Variants in GPC6 observed in about 807,000 individuals in gnomAD.
GPC6 encodes the protein glypican-6.
GPC6 carries 14 observed loss-of-function variants against 55.2 expected under a neutral mutation model. The observed-to-expected ratio is 0.25, with a 90% CI of 0.17 to 0.40. The LOEUF (loss-of-function observed/expected upper bound fraction) is 0.40. Ranked by LOEUF, GPC6 falls within the 10% of genes least tolerant of loss-of-function variation. The pLI, the probability that GPC6 is intolerant of heterozygous loss-of-function variation, is 1.00. For missense variants in GPC6, 641 were observed against 708.5 expected (o/e 0.90, Z 1.08); for synonymous variants, 278 against 259.6 (o/e 1.07, Z -0.68).
chr13:93,542,282 T>G (rs1882345430), intron 1 of GPC6, among the ~76,000 whole-genome samples: 1 of 152,194 alleles, frequency 6.6e-6, no homozygotes, highest in South Asian at 2.1e-4. Context: ...AAATAGGGAA[T>G]CCTTTCCCCA....
At chr13:94,163,401 T>C (rs1003544065) in intron 4 of GPC6, among the ~76,000 whole-genome samples, 40 of 152,106 alleles carry the variant, frequency 2.6e-4, no homozygotes, top group Non-Finnish European at 4.6e-4. Flanking sequence ...ATATCATTTT[T>C]CCCCTAAATT....
intron 1 of GPC6, among the ~76,000 whole-genome samples, chr13:93,331,423 A>G (rs1449632016): frequency 2.0e-5 from 3 of 152,122 alleles, no homozygotes; most frequent in Admixed American, 6.5e-5. Flanking sequence ...CTTTCTTAAG[A>G]AGCGTGGTAG....
At chr13:94,336,725 T>C (rs1877724624) in intron 6 of GPC6, among the ~76,000 whole-genome samples, 1 of 152,078 alleles carries the variant, frequency 6.6e-6, no homozygotes, top group Admixed American at 6.6e-5. Flanking sequence ...ACAAGGAAAG[T>C]AAATGTGAGC....
intron 3 of GPC6, among the ~76,000 whole-genome samples, chr13:93,894,566 A>G (rs1444164263): frequency 2.0e-5 from 3 of 152,168 alleles, no homozygotes; most frequent in East Asian, 1.9e-4. Context: ...CACAATTTCA[A>G]TCACAATTGG....
chr13:93,689,191 G>T (rs1222502103), intron 2 of GPC6, among the ~76,000 whole-genome samples: 1 of 151,878 alleles, frequency 6.6e-6, no homozygotes, highest in East Asian at 1.9e-4. Context: ...CACAAATGGC[G>T]ATCCCAGAAG....
intron 1 of GPC6, among the ~76,000 whole-genome samples, chr13:93,312,533 G>T (rs1311358386): frequency 6.6e-6 from 1 of 151,966 alleles, no homozygotes; most frequent in Admixed American, 6.6e-5. Flanking sequence ...TAAAGACTTG[G>T]CATAATTTTA....
At chr13:93,618,868 T>C (rs1400026501) in intron 2 of GPC6, among the ~76,000 whole-genome samples, 1 of 152,136 alleles carries the variant, frequency 6.6e-6, no homozygotes, top group Non-Finnish European at 1.5e-5. Context: ...AAATGTCACC[T>C]CAGGTGATTT....
chr13:93,864,872 G>A (rs972668862), intron 3 of GPC6, among the ~76,000 whole-genome samples: 2 of 151,796 alleles, frequency 1.3e-5, no homozygotes, highest in Admixed American at 1.3e-4. Context: ...TGTTGACTGG[G>A]TCACAAATGA....
At chr13:93,720,796 T>C (rs1385979223) in intron 2 of GPC6, among the ~76,000 whole-genome samples, 1 of 152,080 alleles carries the variant, frequency 6.6e-6, no homozygotes, top group East Asian at 1.9e-4. Flanking sequence ...AAATAACTTA[T>C]TTATTTCGGC....
chr13:93,955,404 C>CA (rs1466362945), intron 3 of GPC6, among the ~76,000 whole-genome samples: 1 of 151,958 alleles, frequency 6.6e-6, no homozygotes, highest in African/African-American at 2.4e-5. Flanking sequence ...TCAAAGAAAA[C>CA]AGAGTTCAAT....
chr13:93,892,142 T>C (rs965379624), intron 3 of GPC6, among the ~76,000 whole-genome samples: 5 of 152,042 alleles, frequency 3.3e-5, no homozygotes, highest in African/African-American at 1.2e-4. Context: ...TATGCACATA[T>C]ATAGTGTGTG....
chr13:94,278,084 C>G (rs1454962721), intron 4 of GPC6, among the ~76,000 whole-genome samples: 1 of 152,062 alleles, frequency 6.6e-6, no homozygotes. Context: ...AATGTTTTTC[C>G]ATTTGTTTGT....
intron 1 of GPC6, among the ~76,000 whole-genome samples, chr13:93,382,337 T>G (rs184238449): frequency 2.6e-4 from 40 of 152,328 alleles, no homozygotes; most frequent in Non-Finnish European, 4.6e-4. Context: ...TAAATGGGAA[T>G]GTTTCACAAA....
intron 3 of GPC6, among the ~76,000 whole-genome samples, chr13:93,871,866 T>A (rs768474043): frequency 5.3e-4 from 81 of 151,954 alleles, no homozygotes; most frequent in Non-Finnish European, 9.1e-4. Flanking sequence ...ACTTTTTTTT[T>A]ACTTATATAC....
chr13:94,379,418 G>A (rs1477212185), intron 6 of GPC6, among the ~76,000 whole-genome samples: 3 of 152,148 alleles, frequency 2.0e-5, no homozygotes, highest in African/African-American at 7.2e-5. Context: ...CTACTGAAAT[G>A]CCAGAGGGAA....
At chr13:94,040,611 G>A (rs1883497260) in intron 4 of GPC6, among the ~76,000 whole-genome samples, 1 of 151,912 alleles carries the variant, frequency 6.6e-6, no homozygotes, top group East Asian at 1.9e-4. Flanking sequence ...ATCCCTCTTT[G>A]GAAAGCTGCC....
intron 2 of GPC6, among the ~76,000 whole-genome samples, chr13:93,624,425 C>T (rs747510918): frequency 3.3e-5 from 5 of 152,126 alleles, no homozygotes; most frequent in Non-Finnish European, 5.9e-5. Flanking sequence ...GGGCTTTATA[C>T]GTCTCAATTT....
intron 4 of GPC6, among the ~76,000 whole-genome samples, chr13:94,043,261 G>A (rs1170946739): frequency 6.6e-6 from 1 of 151,712 alleles, no homozygotes; most frequent in African/African-American, 2.4e-5. Context: ...CTACTGGAGG[G>A]TCATTGCTAT....
chr13:93,335,137 G>A (rs1880001610), intron 1 of GPC6, among the ~76,000 whole-genome samples: 1 of 152,122 alleles, frequency 6.6e-6, no homozygotes, highest in Non-Finnish European at 1.5e-5. Context: ...TAATTATTTA[G>A]AAGGCAGGTG....
Sources: allele counts gnomAD v4.1 joint callset (sites outside exome capture counted in the v4.1 genomes callset), GRCh38; gene constraint gnomAD v4.1.1; transcripts MANE v1.5; gene names NCBI Gene and HGNC (gene_info 2026-07-23, HGNC 2026-07-21).